The following AKT3 variants were observed in gnomAD, a reference collection of about 807,000 sequenced individuals.
AKT3 encodes RAC-gamma serine/threonine-protein kinase.
A neutral mutation model predicts 65.3 loss-of-function variants in AKT3; 15 were observed. The observed-to-expected ratio is 0.23, with a 90% CI of 0.15 to 0.35. The LOEUF is 0.35. Ranked by LOEUF, AKT3 falls within the 10% of genes least tolerant of loss-of-function variation. The pLI, the probability that AKT3 is intolerant of heterozygous loss-of-function variation, is 1.00. For missense variants in AKT3, 243 were observed against 576.5 expected, an observed-to-expected ratio of 0.42 and a Z score of 5.92; for synonymous variants, 206 against 183.8, an observed-to-expected ratio of 1.12 and a Z score of -0.98.
At chr1:243,552,473 T>C (rs1673152696) in intron 11 of AKT3, among the ~76,000 whole-genome samples, 1 of 152,054 alleles carries the variant, frequency 6.6e-6, no homozygotes, top group African/African-American at 2.4e-5. Context: ...TAAGAAATTT[T>C]CACTCATAAT....
At chr1:243,786,747 A>T (rs1691289980) in intron 2 of AKT3, among the ~76,000 whole-genome samples, 1 of 152,120 alleles carries the variant, frequency 6.6e-6, no homozygotes, top group African/African-American at 2.4e-5. Context: ...GAAATGCTGG[A>T]GGGTGATGGC....
intron 13 of AKT3, chr1:243,489,111 T>A (rs1665736832): frequency 6.2e-7 from 1 of 1,612,882 alleles, no homozygotes; most frequent in African/African-American, 1.3e-5. Context: ...GCAGAGCCTG[T>A]CGGAAGAGGT....
intron 2 of AKT3, among the ~76,000 whole-genome samples, chr1:243,798,651 G>A (rs1558821514): frequency 6.6e-6 from 1 of 151,952 alleles, no homozygotes; most frequent in African/African-American, 2.4e-5. Flanking sequence ...CTCCTAGACA[G>A]CAAACAAACA....
chr1:243,833,545 T>A (rs1040501747), intron 2 of AKT3, among the ~76,000 whole-genome samples: 1 of 151,882 alleles, frequency 6.6e-6, no homozygotes, highest in Non-Finnish European at 1.5e-5. Flanking sequence ...CCTTGACACG[T>A]AGGGATTACA....
At chr1:243,715,232 C>G (rs1275538041) in intron 2 of AKT3, among the ~76,000 whole-genome samples, 2 of 151,996 alleles carry the variant, frequency 1.3e-5, no homozygotes, top group East Asian at 3.8e-4. Flanking sequence ...CCAGAAAGTA[C>G]CACTAATAAT....
chr1:243,724,115 C>A (rs1169864635), intron 2 of AKT3, among the ~76,000 whole-genome samples: 1 of 151,990 alleles, frequency 6.6e-6, no homozygotes, highest in Non-Finnish European at 1.5e-5. Flanking sequence ...CTTTTCTGAG[C>A]CACTGTAACA....
intron 3 of AKT3, among the ~76,000 whole-genome samples, chr1:243,676,790 C>G (rs1226521219): frequency 6.6e-6 from 1 of 152,078 alleles, no homozygotes; most frequent in African/African-American, 2.4e-5. Context: ...TGGAATCATC[C>G]TTTTTTTGTC....
intron 8 of AKT3, among the ~76,000 whole-genome samples, chr1:243,599,855 C>A (rs1458512541): frequency 6.6e-6 from 1 of 152,030 alleles, no homozygotes; most frequent in African/African-American, 2.4e-5. Flanking sequence ...GAAATGTACA[C>A]ATATTAGAAA....
intron 2 of AKT3, among the ~76,000 whole-genome samples, chr1:243,810,851 T>C (rs969197773): frequency 6.6e-6 from 1 of 152,192 alleles, no homozygotes; most frequent in Non-Finnish European, 1.5e-5. Context: ...GCTTCATCCC[T>C]GGGATGCAAG....
chr1:243,514,547 A>G (rs890112976), intron 12 of AKT3, among the ~76,000 whole-genome samples: 3 of 152,236 alleles, frequency 2.0e-5, no homozygotes, highest in African/African-American at 7.2e-5. Flanking sequence ...CATATGATAT[A>G]CATGTATTTG....
At chr1:243,569,283 T>C (rs1005584233) in intron 9 of AKT3, among the ~76,000 whole-genome samples, 1 of 152,226 alleles carries the variant, frequency 6.6e-6, no homozygotes, top group Non-Finnish European at 1.5e-5. Context: ...AAAGGACTCA[T>C]CATGTAAACA....
intron 2 of AKT3, among the ~76,000 whole-genome samples, chr1:243,801,494 C>T (rs931370481): frequency 2.6e-5 from 4 of 152,110 alleles, no homozygotes; most frequent in Non-Finnish European, 1.5e-5. Flanking sequence ...GTTATTATTT[C>T]ATTTAAACAC....
At chr1:243,544,743 A>T (rs183415099) in intron 12 of AKT3, among the ~76,000 whole-genome samples, 23 of 148,318 alleles carry the variant, frequency 1.6e-4, no homozygotes, top group African/African-American at 5.7e-4. Flanking sequence ...TCACTCTGTC[A>T]TCCAGGCTGG....
At chr1:243,739,918 C>T (rs1688052473) in intron 2 of AKT3, among the ~76,000 whole-genome samples, 2 of 152,230 alleles carry the variant, frequency 1.3e-5, no homozygotes, top group African/African-American at 4.8e-5. Context: ...TGTTACACAG[C>T]ACAAGCTCTT....
intron 9 of AKT3, among the ~76,000 whole-genome samples, chr1:243,566,436 C>T (rs980984587): frequency 3.9e-5 from 6 of 151,974 alleles, no homozygotes; most frequent in African/African-American, 1.4e-4. Context: ...AGCTGGTTAC[C>T]CTACTTGTTT....
At chr1:243,629,740 C>T (rs546094600) in intron 6 of AKT3, among the ~76,000 whole-genome samples, 6 of 151,906 alleles carry the variant, frequency 3.9e-5, no homozygotes, top group Admixed American at 1.3e-4. Context: ...TGCAGTGAGC[C>T]GAGATCGCGC....
intron 13 of AKT3, among the ~76,000 whole-genome samples, chr1:243,511,793 A>T (rs1670030993): frequency 6.6e-6 from 1 of 152,244 alleles, no homozygotes; most frequent in Non-Finnish European, 1.5e-5. Context: ...ATGAACACAC[A>T]GTTTTCATAA....
rs1328319241 is a variant in AKT3, at chr1:243,616,137, T to A, written c.562-976A>T. 5.9e-5 allele frequency among the ~76,000 whole-genome samples: 9 copies of A among 151,772 alleles called. No homozygotes were observed. In the East Asian group the frequency reaches 1.7e-3, roughly 29 times the overall value. On this transcript the variant is annotated intron_variant, in intron 6 of 13. Transcript: ENST00000673466. ...GTTCTTTAGTGGTGATTTCTGAGAT[T>A]TTGGTGCACCCATCACCTGAGAAGC... is the stretch of plus-strand genomic sequence containing the variant.
chr1:243,542,096 G>T (rs1004956146), intron 12 of AKT3, among the ~76,000 whole-genome samples: 4 of 152,158 alleles, frequency 2.6e-5, no homozygotes, highest in African/African-American at 9.7e-5. Flanking sequence ...TTGTTAAGAT[G>T]TCAGCTCTTC....
Sources: allele counts gnomAD v4.1 joint callset (sites outside exome capture counted in the v4.1 genomes callset), GRCh38; gene constraint gnomAD v4.1.1; transcripts MANE v1.5; gene names NCBI Gene and HGNC (gene_info 2026-07-23, HGNC 2026-07-21).